The following CHST9 variants were observed in gnomAD, a reference collection of about 807,000 sequenced individuals.
The protein encoded by CHST9 is GalNAc-4-sulfotransferase 2.
CHST9 carries 41 observed loss-of-function variants against 44.4 expected under a neutral mutation model. The ratio of observed to expected loss-of-function variants is 0.92; its 90% CI spans 0.72 to 1.20. The LOEUF is 1.20. Among genes scored for constraint, CHST9 ranks in the 50% most tolerant of loss-of-function variants. The pLI, the probability that CHST9 is intolerant of heterozygous loss-of-function variation, is 0.00. For synonymous variants in CHST9, 171 were observed against 178.4 expected, an observed-to-expected ratio of 0.96 and a Z score of 0.33; for missense variants, 504 against 516.5, an observed-to-expected ratio of 0.98 and a Z score of 0.23.
At chr18:26,921,818 G>A (rs918818038) in intron 5 of CHST9, among the ~76,000 whole-genome samples, 1 of 152,106 alleles carries the variant, frequency 6.6e-6, no homozygotes, top group Non-Finnish European at 1.5e-5. Flanking sequence ...CTTCAAGAGT[G>A]GCTCCCCCTG....
At chr18:26,927,638 C>T (rs1454048205) in intron 5 of CHST9, among the ~76,000 whole-genome samples, 2 of 152,170 alleles carry the variant, frequency 1.3e-5, no homozygotes, top group African/African-American at 4.8e-5. Flanking sequence ...ACCAGCATGT[C>T]TCAACTCCAG....
At chr18:27,094,433 A>T (rs2058097550) in intron 2 of CHST9, among the ~76,000 whole-genome samples, 1 of 152,218 alleles carries the variant, frequency 6.6e-6, no homozygotes, top group Admixed American at 6.5e-5. Flanking sequence ...CCTTTCTGTC[A>T]GGTGATAACA....
intron 2 of CHST9, among the ~76,000 whole-genome samples, chr18:27,079,108 T>C (rs1255707046): frequency 6.6e-6 from 1 of 152,180 alleles, no homozygotes; most frequent in Non-Finnish European, 1.5e-5. Flanking sequence ...TATGCTCTAA[T>C]AATGGCAGAA....
chr18:26,963,813 A>C (rs1221736418), intron 4 of CHST9, among the ~76,000 whole-genome samples: 1 of 152,180 alleles, frequency 6.6e-6, no homozygotes, highest in South Asian at 2.1e-4. Context: ...ATTATCAGAG[A>C]CAATCCCTAC....
intron 3 of CHST9, among the ~76,000 whole-genome samples, chr18:27,031,445 A>G (rs1363070664): frequency 6.6e-6 from 1 of 151,146 alleles, no homozygotes; most frequent in Non-Finnish European, 1.5e-5. Flanking sequence ...CTTTCTTTCT[A>G]TATCTCATAA....
intron 4 of CHST9, among the ~76,000 whole-genome samples, chr18:26,970,532 G>A (rs1351171166): frequency 6.6e-6 from 1 of 152,146 alleles, no homozygotes; most frequent in Non-Finnish European, 1.5e-5. Flanking sequence ...GGGCTAAAGC[G>A]ATTCTCCCTC....
At chr18:27,076,727 G>C (rs1475758889) in intron 2 of CHST9, among the ~76,000 whole-genome samples, 2 of 152,174 alleles carry the variant, frequency 1.3e-5, no homozygotes, top group African/African-American at 2.4e-5. Flanking sequence ...TGAATCCTCT[G>C]TGTAAGCTTT....
chr18:27,177,920 T>G (rs2143973985), intron 1 of CHST9, among the ~76,000 whole-genome samples: 1 of 152,156 alleles, frequency 6.6e-6, no homozygotes, highest in South Asian at 2.1e-4. Context: ...TATATAGATC[T>G]TTGTGCTGTT....
chr18:26,906,921 G>C lies in CHST9; in HGVS notation c.*9338C>G, dbSNP rs1298950253. 1 of 152,238 alleles carries C rather than the reference G, an allele frequency of 6.6e-6. No individual in the cohort carries two copies. The highest frequency in any genetic ancestry group is 1.5e-5 in the Non-Finnish European group (1 of 68,098). 9.4% of individuals were successfully genotyped at this position (152,238 alleles called of 1,614,324 possible). On this transcript the variant is annotated 3_prime_UTR_variant, in exon 6 of 6. Coordinates refer to ENST00000618847, the MANE Select transcript of CHST9 (RefSeq NM_031422.6). ...ATGTTAGGGTATTATGTCCATTCTA[G>C]GCTGTTGGAGATTAAGCCAGGAGGC...
intron 2 of CHST9, among the ~76,000 whole-genome samples, chr18:27,136,980 T>C (rs1483452962): frequency 6.6e-6 from 1 of 152,174 alleles, no homozygotes; most frequent in African/African-American, 2.4e-5. Flanking sequence ...GCTTTGTATG[T>C]TTTAAAATAT....
chr18:27,034,497 TG>T (rs1419736375), intron 3 of CHST9, among the ~76,000 whole-genome samples: 1 of 152,210 alleles, frequency 6.6e-6, no homozygotes, highest in Non-Finnish European at 1.5e-5. Flanking sequence ...AATTGTCCAG[TG>T]TTTATTTTTT....
chr18:27,176,361 CATT>C (rs1014711418), intron 1 of CHST9, among the ~76,000 whole-genome samples: 2 of 151,920 alleles, frequency 1.3e-5, no homozygotes, highest in African/African-American at 2.4e-5. Flanking sequence ...GTCATGGAGA[CATT>C]GTTGTTTTTC....
chr18:27,063,954 G>A (rs1446567748), intron 2 of CHST9, among the ~76,000 whole-genome samples: 3 of 152,074 alleles, frequency 2.0e-5, no homozygotes, highest in Non-Finnish European at 2.9e-5. Context: ...GCTCTGGAAG[G>A]AGGAGAAGCC....
rs777151171 is a variant in CHST9 at position 27,055,936 on chromosome 18, T to TTGTGTG, written c.122-7434_122-7433insCACACA. Among the ~76,000 whole-genome samples, 10 of 99,918 alleles carry TTGTGTG rather than the reference T, an allele frequency of 1.0e-4. No individual in the cohort carries two copies. In the East Asian group the frequency reaches 2.8e-3, roughly 28 times the overall value. 65.6% of individuals were successfully genotyped at this position (99,918 alleles called of 152,430 possible). A position where few individuals can be genotyped will look rare whatever the true frequency, so the allele number is the denominator to read the frequency against. On this transcript the variant is annotated intron_variant, in intron 2 of 5. Transcript: ENST00000618847. ...TTTTTCTTCTCACCTCTTCTCTCTT[T>TTGTGTG]CGTGTGTGTGTGTGTGTGTGTGTGT... is the stretch of plus-strand genomic sequence containing the variant.
rs1179530826 is a variant in CHST9 at position 27,062,900 on chromosome 18, T to C, written c.122-14397A>G. ...TCATTGTGGTTTTGATTTGCATTTCTCTGATGGCCAGTAATGATGAGTCAA... is the reference window on the plus strand; with the variant it reads ...TCATTGTGGTTTTGATTTGCATTTCCCTGATGGCCAGTAATGATGAGTCAA... On this transcript the variant is annotated intron_variant, in intron 2 of 5. Coordinates refer to ENST00000618847, the MANE Select transcript of CHST9 (RefSeq NM_031422.6). Among the ~76,000 whole-genome samples the C allele has an allele frequency of 2.0e-5, 3 of 152,240 alleles. No homozygotes were observed. The East Asian group carries it at 5.8e-4, about 29-fold the overall frequency.
intron 4 of CHST9, among the ~76,000 whole-genome samples, chr18:26,957,167 G>A (rs530029172): frequency 6.6e-6 from 1 of 152,282 alleles, no homozygotes; most frequent in Admixed American, 6.5e-5. Context: ...AACCAACCCA[G>A]TGCAAACTGA....
intron 4 of CHST9, among the ~76,000 whole-genome samples, chr18:26,956,311 CA>C (rs10641983): frequency 0.18 from 20,538 of 111,704 alleles, 1,774 homozygotes; most frequent in African/African-American, 0.31. Context: ...GACTCTGTCT[CA>C]AAAAAAAAAA....
At chr18:27,175,076 G>C (rs1477593902) in intron 1 of CHST9, among the ~76,000 whole-genome samples, 3 of 152,024 alleles carry the variant, frequency 2.0e-5, no homozygotes, top group Admixed American at 1.3e-4. Context: ...GTATGATATA[G>C]GTCTTCCTTA....
At chr18:27,031,628 C>T (rs922506439) in intron 3 of CHST9, among the ~76,000 whole-genome samples, 1 of 152,144 alleles carries the variant, frequency 6.6e-6, no homozygotes, top group East Asian at 1.9e-4. Flanking sequence ...CTCCAAAAAC[C>T]TTGCTTTTTC....
Sources: gnomAD v4.1 joint callset for allele counts (sites outside exome capture counted in the v4.1 genomes callset) on GRCh38, gnomAD v4.1.1 for gene constraint, MANE v1.5 for transcripts, NCBI Gene and HGNC (gene_info 2026-07-23, HGNC 2026-07-21) for gene names.